MCC: variants seen among roughly 807,000 people sequenced by gnomAD.
MCC encodes the protein MCC regulator of Wnt signaling pathway.
MCC carries 90 observed loss-of-function variants against 116.2 expected under a neutral mutation model. That is an observed-to-expected ratio of 0.77 (90% CI 0.65 to 0.92). The LOEUF is 0.92. Ranked by LOEUF, MCC falls within the 40% of genes least tolerant of loss-of-function variation. The probability of loss-of-function intolerance (pLI) is 0.00; values close to 1 mark genes in which losing one functional copy is unlikely to be tolerated. For missense variants in MCC, 1,516 were observed against 1,312.2 expected (o/e 1.16, Z -2.40); for synonymous variants, 578 against 510.5 (o/e 1.13, Z -1.78).
intron 3 of MCC, among the ~76,000 whole-genome samples, chr5:113,302,161 A>G (rs1041382156): frequency 6.6e-6 from 1 of 152,238 alleles, no homozygotes; most frequent in African/African-American, 2.4e-5. Context: ...ACAAAAGGAC[A>G]TAGAGCCAGA....
intron 3 of MCC, among the ~76,000 whole-genome samples, chr5:113,333,772 C>A (rs1396453538): frequency 3.9e-5 from 2 of 51,880 alleles, no homozygotes; most frequent in Non-Finnish European, 8.6e-5. Context: ...AACAAAATGT[C>A]TTTGCTTCAT....
chr5:113,121,972 A>G (rs1005902424), intron 6 of MCC, among the ~76,000 whole-genome samples: 7 of 152,198 alleles, frequency 4.6e-5, no homozygotes, highest in Non-Finnish European at 8.8e-5. Context: ...TTTGACTGCA[A>G]CCCAGTTAGA....
At chr5:113,302,582 A>G (rs1417198666) in intron 3 of MCC, among the ~76,000 whole-genome samples, 1 of 152,222 alleles carries the variant, frequency 6.6e-6, no homozygotes, top group African/African-American at 2.4e-5. Flanking sequence ...CATTTAAAGA[A>G]AAAGAATCCT....
In MCC at chr5:113,119,793, G is replaced by T. The variant is rs536515061; in HGVS notation, c.1027+2891C>A. Reference sequence around the variant, plus strand: ...CCCTCCAGGAACTCAGTCTTCTCAGGAAAGAGGCTACCACCAGTTATAATT... The same window carrying T: ...CCCTCCAGGAACTCAGTCTTCTCAGTAAAGAGGCTACCACCAGTTATAATT... On this transcript the variant is annotated intron_variant, in intron 6 of 18. Coordinates refer to ENST00000408903, the MANE Select transcript of MCC (RefSeq NM_001085377.2). 2.6e-5 allele frequency among the ~76,000 whole-genome samples: 4 copies of T among 152,304 alleles called. No homozygotes were observed. In the South Asian group the frequency reaches 8.3e-4, roughly 32 times the overall value.
chr5:113,406,224 C>T (rs1044522036), intron 1 of MCC, among the ~76,000 whole-genome samples: 4 of 152,174 alleles, frequency 2.6e-5, no homozygotes, highest in Admixed American at 2.6e-4. Context: ...TAATTACAAA[C>T]AAATCTTCTT....
chr5:113,465,598 T>A (rs965886105), intron 1 of MCC, among the ~76,000 whole-genome samples: 2 of 152,166 alleles, frequency 1.3e-5, no homozygotes, highest in Middle Eastern at 3.2e-3. Flanking sequence ...ACGAACATTT[T>A]AGGAAAATAT....
chr5:113,195,983 C>G (rs189376065), intron 3 of MCC, among the ~76,000 whole-genome samples: 23 of 152,286 alleles, frequency 1.5e-4, no homozygotes, highest in African/African-American at 5.3e-4. Flanking sequence ...TACTGAAATC[C>G]TACCATCCTT....
intron 1 of MCC, among the ~76,000 whole-genome samples, chr5:113,454,660 A>G (rs1376355235): frequency 6.6e-6 from 1 of 152,240 alleles, no homozygotes; most frequent in Non-Finnish European, 1.5e-5. Context: ...GCATTAACTG[A>G]AAGTACTTAA....
intron 1 of MCC, among the ~76,000 whole-genome samples, chr5:113,385,441 T>A (rs1769231704): frequency 6.6e-6 from 1 of 152,252 alleles, no homozygotes. Flanking sequence ...ACTTTTAATC[T>A]TTTGTTCTCT....
chr5:113,070,039 G>A (rs994137795), intron 12 of MCC, among the ~76,000 whole-genome samples: 10 of 152,312 alleles, frequency 6.6e-5, no homozygotes, highest in Admixed American at 6.5e-4. Context: ...CTAATGTGGA[G>A]AAAGACCTTT....
intron 1 of MCC, among the ~76,000 whole-genome samples, chr5:113,451,214 G>T (rs1409662136): frequency 6.6e-6 from 1 of 152,180 alleles, no homozygotes; most frequent in Non-Finnish European, 1.5e-5. Context: ...CTCCTGAGAT[G>T]AAGCCCACTA....
At chr5:113,243,618 C>A (rs1223073717) in intron 3 of MCC, among the ~76,000 whole-genome samples, 1 of 152,238 alleles carries the variant, frequency 6.6e-6, no homozygotes, top group Non-Finnish European at 1.5e-5. Flanking sequence ...GAAGCCAGGC[C>A]AAACCTTGGT....
chr5:113,319,159 T>C (rs952430890), intron 3 of MCC, among the ~76,000 whole-genome samples: 3 of 152,218 alleles, frequency 2.0e-5, no homozygotes, highest in Non-Finnish European at 2.9e-5. Context: ...TGAACCTCTG[T>C]GCCAAGCCTT....
Position 113,488,234 on chromosome 5 carries a change from T to A in MCC, c.170+11A>T. ...TCGCTCCTGTCGGTTTCCTCGTACCTCCCCGCGTACCTGCTGATGTATCCG... is the reference window on the plus strand; with the variant it reads ...TCGCTCCTGTCGGTTTCCTCGTACCACCCCGCGTACCTGCTGATGTATCCG... On this transcript the variant is annotated intron_variant, in intron 1 of 18. Transcript: ENST00000408903. 1 of 1,583,400 alleles carries A rather than the reference T, an allele frequency of 6.3e-7. No homozygotes were observed.
At chr5:113,111,185 T>G (rs1357823069) in intron 6 of MCC, among the ~76,000 whole-genome samples, 1 of 152,234 alleles carries the variant, frequency 6.6e-6, no homozygotes, top group Non-Finnish European at 1.5e-5. Context: ...TCAAATAACA[T>G]TTTGTTCAAC....
intron 3 of MCC, among the ~76,000 whole-genome samples, chr5:113,179,336 G>A (rs1761495217): frequency 6.6e-6 from 1 of 151,982 alleles, no homozygotes; most frequent in East Asian, 1.9e-4. Flanking sequence ...TAATCCATTT[G>A]CAGCCTAGCA....
At chr5:113,315,326 G>A (rs1023704196) in intron 3 of MCC, among the ~76,000 whole-genome samples, 1 of 152,018 alleles carries the variant, frequency 6.6e-6, no homozygotes, top group Non-Finnish European at 1.5e-5. Flanking sequence ...ATTAGAAATT[G>A]AATATTCTTT....
At chr5:113,075,872 A>C (rs1754416666) in intron 11 of MCC, among the ~76,000 whole-genome samples, 1 of 151,908 alleles carries the variant, frequency 6.6e-6, no homozygotes, top group African/African-American at 2.4e-5. Flanking sequence ...CTGCAGCTTC[A>C]CTCCTGAAGC....
chr5:113,348,990 C>T (rs1768200675), intron 2 of MCC, among the ~76,000 whole-genome samples: 1 of 151,978 alleles, frequency 6.6e-6, no homozygotes, highest in African/African-American at 2.4e-5. Context: ...ATACAACTTA[C>T]CAAGATTGAA....
Sources: gnomAD v4.1 joint callset for allele counts (sites outside exome capture counted in the v4.1 genomes callset) on GRCh38, gnomAD v4.1.1 for gene constraint, MANE v1.5 for transcripts, NCBI Gene and HGNC (gene_info 2026-07-23, HGNC 2026-07-21) for gene names.